The following APP variants were observed in gnomAD, a reference collection of about 807,000 sequenced individuals.
The protein encoded by APP is amyloid beta precursor protein.
A neutral mutation model predicts 101.4 loss-of-function variants in APP; 31 were observed. That is an observed-to-expected ratio of 0.31 (90% confidence interval 0.23 to 0.41). APP has a LOEUF of 0.41. Ranked by LOEUF, APP falls within the 10% of genes least tolerant of loss-of-function variation. The probability of loss-of-function intolerance (pLI) is 1.00; values close to 1 mark genes in which losing one functional copy is unlikely to be tolerated. For synonymous variants in APP, 366 were observed against 364.4 expected (o/e 1.00, Z -0.05); for missense variants, 839 against 1,003.7 (o/e 0.84, Z 2.22).
intron 8 of APP, among the ~76,000 whole-genome samples, chr21:25,995,709 A>G (rs895606143): frequency 3.3e-5 from 5 of 152,258 alleles, no homozygotes; most frequent in African/African-American, 9.6e-5. Flanking sequence ...CTGTACTTAC[A>G]GTGTTTTTAG....
At chr21:26,074,516 C>T (rs1009289873) in intron 3 of APP, among the ~76,000 whole-genome samples, 7 of 152,222 alleles carry the variant, frequency 4.6e-5, no homozygotes, top group South Asian at 2.1e-4. Flanking sequence ...AGCACTAGGC[C>T]GAGGCGGGCA....
rs2062223948 is a variant in APP at position 26,108,033 on chromosome 21, G to T, written c.225+3946C>A. 4.6e-5 allele frequency among the ~76,000 whole-genome samples: 7 copies of T among 152,310 alleles called. No homozygotes were observed. In the South Asian group the frequency reaches 1.4e-3, roughly 32 times the overall value. On this transcript the variant is annotated intron_variant, in intron 2 of 17. Coordinates refer to ENST00000346798, the MANE Select transcript of APP (RefSeq NM_000484.4). ...ACATGCAGTGAAGTTCTGGTTGAAGGTATGGAGGGACTCATTTCTACCTCC... is the reference window on the plus strand; with the variant it reads ...ACATGCAGTGAAGTTCTGGTTGAAGTTATGGAGGGACTCATTTCTACCTCC...
At chr21:26,016,943 GCGGGGGGC>G (rs1447065818) in intron 6 of APP, among the ~76,000 whole-genome samples, 231 of 18,258 alleles carry the variant, frequency 0.013, 10 homozygotes, top group African/African-American at 0.028. Context: ...GGGGCGGGGG[GCGGGGGGC>G]GGGGGGTGCC....
At position 25,881,589 on chromosome 21, in the gene APP, A is replaced by G. The variant is rs2036986322; in HGVS notation, c.*81T>C. 6.8e-7 allele frequency: 1 copy of G among 1,480,842 alleles called. No individual in the cohort carries two copies. Among genetic ancestry groups the G allele is most frequent in the African/African-American group, 1.4e-5 (1 of 72,284 alleles). 91.7% of individuals were successfully genotyped at this position (1,480,842 alleles called of 1,614,324 possible). On this transcript the variant is annotated 3_prime_UTR_variant, in exon 18 of 18. Transcript: ENST00000346798. ...TCATAAAACGGGTTTGTTTCTTCCC[A>G]CATTATTCTATAAATGGACACCGAT...
In APP at chr21:25,991,387, T is replaced by C. The variant is rs112099463; in HGVS notation, c.1090+5973A>G. Among the ~76,000 whole-genome samples the C allele has an allele frequency of 4.8e-3, 725 of 152,216 alleles. 7 individuals are homozygous for C. Among genetic ancestry groups the C allele is most frequent in the African/African-American group, 0.017 (691 of 41,532 alleles). On this transcript the variant is annotated intron_variant, in intron 8 of 17. Transcript: ENST00000346798. ...ATCAGCTTGCTGGCTACCTTTTTTT[T>C]CCCCCTTGAGATGAAGTCTCGCTCT...
intron 5 of APP, among the ~76,000 whole-genome samples, chr21:26,040,898 A>G (rs2045345822): frequency 1.3e-5 from 2 of 152,220 alleles, no homozygotes; most frequent in East Asian, 1.9e-4. Context: ...AAGTGGCATT[A>G]GTCTACCACC....
intron 1 of APP, among the ~76,000 whole-genome samples, chr21:26,164,109 G>C (rs577107322): frequency 4.6e-4 from 70 of 152,156 alleles, no homozygotes; most frequent in Non-Finnish European, 7.8e-4. Context: ...GCTGGGCATA[G>C]TGGCACACGC....
intron 13 of APP, among the ~76,000 whole-genome samples, chr21:25,949,277 G>A (rs930778035): frequency 6.6e-6 from 1 of 152,110 alleles, no homozygotes; most frequent in Admixed American, 6.5e-5. Context: ...CGGTCAAACA[G>A]GACAGCACAA....
chr21:25,912,947 CGACA>C (rs779661474), intron 13 of APP, among the ~76,000 whole-genome samples: 5 of 151,992 alleles, frequency 3.3e-5, no homozygotes, highest in Non-Finnish European at 7.4e-5. Context: ...AATTAGAGAC[CGACA>C]GACAGCACTG....
intron 13 of APP, chr21:25,935,155 A>C (rs972433485): frequency 2.0e-5 from 3 of 152,232 alleles, no homozygotes; most frequent in African/African-American, 4.8e-5. Context: ...CAGAGTGACG[A>C]AACATCACCA....
chr21:26,084,355 C>T (rs1456542745), intron 3 of APP, among the ~76,000 whole-genome samples: 1 of 148,550 alleles, frequency 6.7e-6, no homozygotes. Context: ...TCTCCTGCCT[C>T]AGCCTCCCGA....
chr21:26,000,327 A>G, intron 6 of APP, 145 bp from the exon 7 acceptor site: 1 of 1,030,366 alleles, frequency 9.7e-7, no homozygotes, highest in Non-Finnish European at 1.5e-6. Context: ...TTTACTGAGG[A>G]ATTTAACTGG....
At chr21:26,165,362 C>T (rs376783229) in intron 1 of APP, among the ~76,000 whole-genome samples, 40 of 152,288 alleles carry the variant, frequency 2.6e-4, no homozygotes, top group African/African-American at 8.4e-4. Context: ...GATATTAATT[C>T]GATCCTCAAT....
chr21:26,145,163 A>G (rs1350786591), intron 1 of APP, among the ~76,000 whole-genome samples: 4 of 152,140 alleles, frequency 2.6e-5, no homozygotes, highest in Non-Finnish European at 5.9e-5. Flanking sequence ...CTGGCTGACT[A>G]CCTACCAGGA....
chr21:25,891,891 G>T (rs201429297), intron 16 of APP, 23 bp from the exon 17 acceptor site: 201 of 1,603,692 alleles, frequency 1.3e-4, no homozygotes, highest in Non-Finnish European at 1.6e-4. Context: ...TTAAGAAAAA[G>T]AATTTTAATT....
At chr21:25,895,115 T>C (rs1348655428) in intron 16 of APP, among the ~76,000 whole-genome samples, 4 of 152,216 alleles carry the variant, frequency 2.6e-5, no homozygotes, top group African/African-American at 9.6e-5. Context: ...CATGGCTTTT[T>C]TTTTTTTTAG....
At chr21:26,163,011 T>C (rs2063525092) in intron 1 of APP, among the ~76,000 whole-genome samples, 1 of 148,884 alleles carries the variant, frequency 6.7e-6, no homozygotes, top group Admixed American at 6.7e-5. Flanking sequence ...GTGGATCACT[T>C]GAAGTCAGGA....
In APP at chr21:25,881,285, T is replaced by G. The variant is rs1358542566; in HGVS notation, c.*385A>C. The stretch of plus-strand genomic sequence containing the variant: ...GTTCACATGAAGCATCCCCCATCGA[T>G]TCTTAAAGCATATGTAAAGTAGGAC... On this transcript the variant is annotated 3_prime_UTR_variant, in exon 18 of 18. Coordinates refer to ENST00000346798, the MANE Select transcript of APP (RefSeq NM_000484.4). 1 of 272,654 alleles carries G rather than the reference T, an allele frequency of 3.7e-6. No individual in the cohort carries two copies. The highest frequency in any genetic ancestry group is 2.2e-5 in the African/African-American group (1 of 45,224). 16.9% of individuals were successfully genotyped at this position (272,654 alleles called of 1,614,324 possible).
chr21:26,168,384 A>G (rs2063663277), intron 1 of APP, among the ~76,000 whole-genome samples: 2 of 152,242 alleles, frequency 1.3e-5, no homozygotes, highest in Admixed American at 1.3e-4. Flanking sequence ...CAGTAGACTG[A>G]ATTACCTACC....
Sources: gnomAD v4.1 joint callset for allele counts (sites outside exome capture counted in the v4.1 genomes callset) on GRCh38, gnomAD v4.1.1 for gene constraint, MANE v1.5 for transcripts, NCBI Gene and HGNC (gene_info 2026-07-23, HGNC 2026-07-21) for gene names.